The following ODF4 variants were observed in gnomAD, a reference collection of about 807,000 sequenced individuals.
The protein encoded by ODF4 is outer dense fiber of sperm tails 4.
A neutral mutation model predicts 17.0 loss-of-function variants in ODF4; 11 were observed. The observed-to-expected ratio is 0.65, with a 90% CI of 0.41 to 1.07. The LOEUF is 1.07. Ranked by LOEUF, ODF4 falls within the 50% of genes least tolerant of loss-of-function variation. The pLI is 0.00. For synonymous variants in ODF4, 127 were observed against 121.8 expected (o/e 1.04, Z -0.28); for missense variants, 281 against 310.2 (o/e 0.91, Z 0.71).
At position 8,345,008 on chromosome 17, in the gene ODF4, T is replaced by C. The variant is rs1036258509; in HGVS notation, c.455-335T>C. ...TGCCCGCTGTTCAAAAATTGCCCTT[T>C]GTGGGCTTCGGGACCATCTTGAGCT... On this transcript the variant is annotated intron_variant, in intron 1 of 2. Coordinates refer to ENST00000328248, the MANE Select transcript of ODF4 (RefSeq NM_153007.5). The surrounding 1 kb of genome is among the most constrained non-coding windows in gnomAD (Gnocchi z 4.1). 3.1e-6 allele frequency: 3 copies of C among 968,674 alleles called. No individual in the cohort carries two copies. Among genetic ancestry groups the C allele is most frequent in the African/African-American group, 6.7e-5 (2 of 29,950 alleles). The allele number at this position is 968,674 out of a possible 1,614,324, so 60.0% of individuals were successfully genotyped here. A position where few individuals can be genotyped will look rare whatever the true frequency, so the allele number is the denominator to read the frequency against.
intron 1 of ODF4, among the ~76,000 whole-genome samples, chr17:8,343,503 A>C (rs564648010): frequency 7.9e-6 from 1 of 127,010 alleles, no homozygotes; most frequent in African/African-American, 3.3e-5. Flanking sequence ...TTATTCCTTA[A>C]CATAAATTCC....
intron 1 of ODF4, among the ~76,000 whole-genome samples, chr17:8,341,131 G>A (rs745616698): frequency 1.3e-5 from 2 of 151,822 alleles, no homozygotes; most frequent in Non-Finnish European, 2.9e-5. Context: ...TGGAGGTTGC[G>A]GTGAGCCGAG....
At position 8,340,280 on chromosome 17, in the gene ODF4, C is replaced by T. The variant is rs73250854; in HGVS notation, c.229C>T (p.Arg77Cys). The T allele has an allele frequency of 0.11, 178,802 of 1,613,730 alleles. 10,668 individuals carry two copies. The highest frequency in any genetic ancestry group is 0.18 in the Middle Eastern group (1,080 of 6,062). Residue 77 changes from arginine to cysteine, a missense_variant, in exon 1 of 3, where the codon CGC becomes TGC. Physicochemically the swap from Arg to Cys is radical, Grantham distance 180. Coordinates refer to ENST00000328248, the MANE Select transcript of ODF4 (RefSeq NM_153007.5). ...PFQWRITHSF[R>C]WMAQVLASEL... ...TCAATGGAGAATCACACACAGCTTC[C>T]GCTGGATGGCCCAGGTGTTGGCCTC...
At chr17:8,344,646 GCCCA>G (rs1413325373) in intron 1 of ODF4, among the ~76,000 whole-genome samples, 9 of 66,264 alleles carry the variant, frequency 1.4e-4, no homozygotes, top group East Asian at 4.0e-4. Context: ...GCACCACCAT[GCCCA>G]GCTAATTTTT....
At chr17:8,342,662 A>G (rs1334061321) in intron 1 of ODF4, among the ~76,000 whole-genome samples, 1 of 152,194 alleles carries the variant, frequency 6.6e-6, no homozygotes, top group Non-Finnish European at 1.5e-5. Context: ...ATCTCTTAGT[A>G]TCCAGTCTCC....
rs766346066 is a variant in ODF4, at chr17:8,340,278, T to C, written c.227T>C (p.Phe76Ser). 6.2e-6 allele frequency: 10 copies of C among 1,613,980 alleles called. No individual in the cohort carries two copies. Among genetic ancestry groups the C allele is most frequent in the Non-Finnish European group, 7.6e-6 (9 of 1,180,000 alleles). ...TTTCAATGGAGAATCACACACAGCTTCCGCTGGATGGCCCAGGTGTTGGCC... is the reference window on the plus strand; with the variant it reads ...TTTCAATGGAGAATCACACACAGCTCCCGCTGGATGGCCCAGGTGTTGGCC... The part of the protein sequence containing the change: ...LPFQWRITHS[F>S]RWMAQVLASE... The change falls in exon 1 of 3, where the codon TTC becomes TCC. Residue 76 changes from phenylalanine to serine, a missense_variant. Coordinates refer to ENST00000328248, the MANE Select transcript of ODF4 (RefSeq NM_153007.5).
chr17:8,345,716 GC>G lies in ODF4; in HGVS notation c.640del (p.His214ThrfsTer15), dbSNP rs1906218791. ...AAAAGTTTCTGGAGTCTGATTCTGA[GC>G]CACCCCAGTGGTGCCGTGTCCTGCA... ...NHKSFWSLILSHPSGAVSCSS... is the reference protein window; with the variant it reads ...NHKSFWSLILXHPSGAVSCSS... On this transcript the variant is annotated frameshift_variant, in exon 3 of 3. Transcript: ENST00000328248. LOFTEE classifies it low-confidence loss of function (END_TRUNC). The surrounding 1 kb of genome is among the most constrained non-coding windows in gnomAD (Gnocchi z 4.1). 6.2e-7 allele frequency: 1 copy of G among 1,614,014 alleles called. No homozygotes were observed. The highest frequency in any genetic ancestry group is 8.5e-7 in the Non-Finnish European group (1 of 1,180,038).
intron 1 of ODF4, chr17:8,344,990 T>C: frequency 9.8e-7 from 1 of 1,020,522 alleles, no homozygotes; most frequent in East Asian, 9.2e-5. Flanking sequence ...ACCTGCCCGC[T>C]GTTCAAAAAT....
intron 1 of ODF4, among the ~76,000 whole-genome samples, chr17:8,342,652 ATC>A (rs1010249023): frequency 3.4e-4 from 52 of 152,338 alleles, no homozygotes; most frequent in African/African-American, 1.1e-3. Context: ...TGAGTCTGTT[ATC>A]TCTTAGTATC....
intron 1 of ODF4, among the ~76,000 whole-genome samples, chr17:8,341,580 G>A (rs1012580391): frequency 4.6e-5 from 7 of 152,010 alleles, no homozygotes; most frequent in East Asian, 1.9e-4. Flanking sequence ...CTGCAGCCTC[G>A]AACTTCCAGG....
At chr17:8,344,293 T>G (rs1906142533) in intron 1 of ODF4, among the ~76,000 whole-genome samples, 1 of 127,858 alleles carries the variant, frequency 7.8e-6, no homozygotes, top group African/African-American at 3.2e-5. Flanking sequence ...TTATCAGACA[T>G]TTGTACTCCT....
In ODF4 at chr17:8,343,604, T is replaced by C. The variant is rs1244393832; in HGVS notation, c.455-1739T>C. 1.6e-5 allele frequency among the ~76,000 whole-genome samples: 2 copies of C among 127,600 alleles called. 1 individual carries two copies. Among genetic ancestry groups the C allele is most frequent in the African/African-American group, 6.5e-5 (2 of 30,774 alleles). 83.7% of individuals were successfully genotyped at this position (127,600 alleles called of 152,430 possible). On this transcript the variant is annotated intron_variant, in intron 1 of 2. Transcript: ENST00000328248. ...ACAAATGCTGCCCACCAGGAGCGTATGAGAGGACCTCTTTTCTCTACATAC... is the reference window on the plus strand; with the variant it reads ...ACAAATGCTGCCCACCAGGAGCGTACGAGAGGACCTCTTTTCTCTACATAC...
chr17:8,345,510 C>G lies in ODF4; in HGVS notation c.589+33C>G. Reference sequence around the variant, plus strand: ...GCCAGAGGGCCCTGGGGGAAGGAAGCGACATGGGTAGGGTAGGGCAGGGAA... The same window carrying G: ...GCCAGAGGGCCCTGGGGGAAGGAAGGGACATGGGTAGGGTAGGGCAGGGAA... On this transcript the variant is annotated intron_variant, in intron 2 of 2. Transcript: ENST00000328248. The surrounding 1 kb of genome is among the most constrained non-coding windows in gnomAD (Gnocchi z 4.1). 1 of 1,609,962 alleles carries G rather than the reference C, an allele frequency of 6.2e-7. No individual in the cohort carries two copies. Among genetic ancestry groups the G allele is most frequent in the South Asian group, 1.1e-5 (1 of 90,556 alleles).
intron 1 of ODF4, among the ~76,000 whole-genome samples, chr17:8,344,518 C>T (rs1204363034): frequency 7.9e-6 from 1 of 126,100 alleles, no homozygotes; most frequent in Non-Finnish European, 1.7e-5. Flanking sequence ...TTGTTTTTTG[C>T]AGGCGGCGTC....
chr17:8,340,541 C>T, intron 1 of ODF4, 36 bp downstream of exon 1: 3 of 1,361,092 alleles, frequency 2.2e-6, no homozygotes, highest in Non-Finnish European at 3.1e-6. Flanking sequence ...GCCCAGGCCG[C>T]CAGCCTGTCT....
Position 8,345,135 on chromosome 17 carries a change from G to C in ODF4, c.455-208G>C, listed in dbSNP as rs184516656. ...TCTTTGGGGGTGGTATGAGGGTTTT[G>C]TGGGTGGTGGGAGAACAGAACCGAG... On this transcript the variant is annotated intron_variant, in intron 1 of 2. Transcript: ENST00000328248. The surrounding 1 kb of genome is among the most constrained non-coding windows in gnomAD (Gnocchi z 4.1). The C allele has an allele frequency of 6.3e-6, 5 of 793,252 alleles. No individual in the cohort carries two copies. Among genetic ancestry groups the C allele is most frequent in the Non-Finnish European group, 9.5e-6 (5 of 523,860 alleles). 49.1% of individuals were successfully genotyped at this position (793,252 alleles called of 1,614,324 possible).
chr17:8,345,371 A>G lies in ODF4; in HGVS notation c.483A>G (p.Leu161=), dbSNP rs1906193062. ...KVTFIFSTLM[L]FPINIWIFEL... is the part of the protein sequence containing the mutation. Reference sequence around the variant, plus strand: ...CCTTCATCTTCTCCACCCTCATGCTATTCCCCATTAACATCTGGATCTTCG... The same window carrying G: ...CCTTCATCTTCTCCACCCTCATGCTGTTCCCCATTAACATCTGGATCTTCG... The change falls in exon 2 of 3, where the codon CTA becomes CTG. Residue 161 remains leucine, a synonymous_variant. Coordinates refer to ENST00000328248, the MANE Select transcript of ODF4 (RefSeq NM_153007.5). This position sits in a 1 kb window ranked among gnomAD's most constrained non-coding sequence, Gnocchi z 4.1. 2 of 1,613,698 alleles carry G rather than the reference A, an allele frequency of 1.2e-6. No individual in the cohort carries two copies. Among genetic ancestry groups the G allele is most frequent in the Non-Finnish European group, 1.7e-6 (2 of 1,179,688 alleles).
intron 1 of ODF4, among the ~76,000 whole-genome samples, chr17:8,343,718 G>T (rs1305568290): frequency 7.9e-6 from 1 of 126,142 alleles, no homozygotes; most frequent in Non-Finnish European, 1.7e-5. Context: ...GTTTCACCAT[G>T]TTGGTCAGGA....
At chr17:8,340,558 C>T (rs1905972026) in intron 1 of ODF4, 53 bp downstream of exon 1, 1 of 1,050,384 alleles carries the variant, frequency 9.5e-7, no homozygotes, top group Admixed American at 1.9e-5. Flanking sequence ...GTCTTGGCCT[C>T]TGTATCTGCA....
Sources: allele counts gnomAD v4.1 joint callset (sites outside exome capture counted in the v4.1 genomes callset), GRCh38; gene constraint gnomAD v4.1.1; non-coding constraint Gnocchi (gnomAD v3.1); transcripts MANE v1.5; gene names NCBI Gene and HGNC (gene_info 2026-07-23, HGNC 2026-07-21).